CCDC92B: variants seen among roughly 807,000 people sequenced by gnomAD.
CCDC92B encodes the protein coiled-coil domain-containing 92B.
Under a neutral mutation model 5.6 loss-of-function variants are expected in CCDC92B, and 2 were observed. The observed-to-expected ratio is 0.36, with a 90% CI of 0.15 to 1.12. The LOEUF (loss-of-function observed/expected upper bound fraction) is 1.12. Among genes scored for constraint, CCDC92B ranks in the 50% most tolerant of loss-of-function variants. The pLI is 0.40. For synonymous variants in CCDC92B, 115 were observed against 122.3 expected (o/e 0.94, Z 0.39); for missense variants, 271 against 262.2 (o/e 1.03, Z -0.23).
At chr17:2,726,295 A>G (rs2070729068) in intron 3 of CCDC92B, among the ~76,000 whole-genome samples, 1 of 151,142 alleles carries the variant, frequency 6.6e-6, no homozygotes, top group Non-Finnish European at 1.5e-5. Flanking sequence ...CTCCTGCCTC[A>G]GCCTCCTGAG....
chr17:2,734,314 C>G (rs541541203), intron 2 of CCDC92B, among the ~76,000 whole-genome samples: 85 of 152,240 alleles, frequency 5.6e-4, no homozygotes, highest in African/African-American at 2.0e-3. Flanking sequence ...GCTCCTCAAG[C>G]TGGACATGCT....
chr17:2,725,083 A>C, intron 3 of CCDC92B, 83 bp from the exon 4 acceptor site: 1 of 981,334 alleles, frequency 1.0e-6, no homozygotes, highest in Non-Finnish European at 1.2e-6. Flanking sequence ...CGTGTAACAA[A>C]ACCCCCAGGC....
rs1356370570 is a variant in CCDC92B, at chr17:2,735,179, C to T, written c.-23-11G>A. 8.1e-6 allele frequency: 8 copies of T among 985,600 alleles called. No individual in the cohort carries two copies. Among genetic ancestry groups the T allele is most frequent in the African/African-American group, 1.7e-5 (1 of 57,366 alleles). 61.1% of individuals were successfully genotyped at this position (985,600 alleles called of 1,614,324 possible). ...AGGCCTGGGCCCCACCTAGGGAGGA[C>T]GACAAGGTGAACCCACCTCTTCTGA... On this transcript the variant is annotated splice_polypyrimidine_tract_variant and intron_variant, in intron 1 of 3. Transcript: ENST00000614400.
chr17:2,748,585 C>T, intron 1 of CCDC92B: 1 of 984,990 alleles, frequency 1.0e-6, no homozygotes, highest in Non-Finnish European at 1.2e-6. Context: ...CCATACGCTT[C>T]CTGAGGGCAA....
At chr17:2,735,435 T>C (rs939104950) in intron 1 of CCDC92B, among the ~76,000 whole-genome samples, 5 of 152,114 alleles carry the variant, frequency 3.3e-5, no homozygotes, top group Non-Finnish European at 7.4e-5. Context: ...CATGTAACTT[T>C]TTTTCTTTTT....
intron 2 of CCDC92B, among the ~76,000 whole-genome samples, chr17:2,731,352 A>G (rs1309945294): frequency 6.6e-6 from 1 of 151,292 alleles, no homozygotes; most frequent in African/African-American, 2.4e-5. Context: ...CACTCCCCCA[A>G]CTCCACCAGG....
rs1163511053 is a variant in CCDC92B, at chr17:2,724,157, C to T, written c.*254G>A. 1.0e-6 allele frequency: 1 copy of T among 985,302 alleles called. No individual in the cohort carries two copies. The highest frequency in any genetic ancestry group is 1.7e-5 in the African/African-American group (1 of 57,246). 61.0% of individuals were successfully genotyped at this position (985,302 alleles called of 1,614,324 possible). On this transcript the variant is annotated 3_prime_UTR_variant, in exon 4 of 4. Transcript: ENST00000614400. This position sits in a 1 kb window ranked among gnomAD's most constrained non-coding sequence, Gnocchi z 5.0. Reference sequence around the variant, plus strand: ...CAGGCCAGGATCGGGACGGCGAGTCCTCTCGGTAGAGAAGGTGCCCCCGCT... The same window carrying T: ...CAGGCCAGGATCGGGACGGCGAGTCTTCTCGGTAGAGAAGGTGCCCCCGCT...
intron 2 of CCDC92B, among the ~76,000 whole-genome samples, chr17:2,730,935 A>G (rs2070787985): frequency 6.6e-6 from 1 of 152,216 alleles, no homozygotes; most frequent in Non-Finnish European, 1.5e-5. Flanking sequence ...TGGAGTGTCC[A>G]GAACTGCCTG....
Position 2,721,444 on chromosome 17 carries a change from G to A in CCDC92B, c.*2967C>T, listed in dbSNP as rs928718771. On this transcript the variant is annotated 3_prime_UTR_variant, in exon 4 of 4. Transcript: ENST00000614400. ...CACCAAGATATTCCAGGGGCCAGGA[G>A]CGCGTGGGGGTGCGAGGTTTCCCTT... 2 of 152,452 alleles carry A rather than the reference G, an allele frequency of 1.3e-5. No individual in the cohort carries two copies. The highest frequency in any genetic ancestry group is 4.8e-5 in the African/African-American group (2 of 41,454). The allele number at this position is 152,452 out of a possible 1,614,324, so 9.4% of individuals were successfully genotyped here.
intron 2 of CCDC92B, among the ~76,000 whole-genome samples, chr17:2,734,202 C>T (rs773283328): frequency 6.6e-6 from 1 of 152,116 alleles, no homozygotes; most frequent in Non-Finnish European, 1.5e-5. Flanking sequence ...CCCCTTTCTC[C>T]TGTGATATCT....
chr17:2,728,620 AAAAC>A (rs974016946), intron 3 of CCDC92B, among the ~76,000 whole-genome samples: 1 of 152,184 alleles, frequency 6.6e-6, no homozygotes, highest in African/African-American at 2.4e-5. Context: ...AAAAACAAAA[AAAAC>A]AAAAAGATGA....
rs1346976299 is a variant in CCDC92B at position 2,722,957 on chromosome 17, G to C, written c.*1454C>G. The C allele has an allele frequency of 6.6e-6, 1 of 152,424 alleles. No homozygotes were observed. The highest frequency in any genetic ancestry group is 1.5e-5 in the Non-Finnish European group (1 of 68,224). 9.4% of individuals were successfully genotyped at this position (152,424 alleles called of 1,614,324 possible). On this transcript the variant is annotated 3_prime_UTR_variant, in exon 4 of 4. Coordinates refer to ENST00000614400, the MANE Select transcript of CCDC92B (RefSeq NM_001355573.2). ...TCCTTCCTGCCTTTGGTGGTGGACG[G>C]GGAGCTTGGGAGAAGGGGCGTTAGG...
At chr17:2,739,084 T>C (rs1219549188) in intron 1 of CCDC92B, among the ~76,000 whole-genome samples, 1 of 140,352 alleles carries the variant, frequency 7.1e-6, no homozygotes, top group East Asian at 2.1e-4. Flanking sequence ...AATAAATAAA[T>C]AGGGCGGGCG....
chr17:2,740,921 G>T (rs961806672), intron 1 of CCDC92B, among the ~76,000 whole-genome samples: 5 of 125,382 alleles, frequency 4.0e-5, no homozygotes, highest in Non-Finnish European at 6.3e-5. Context: ...AGCCATGATT[G>T]TGCCATTGCA....
chr17:2,723,710 G>C lies in CCDC92B; in HGVS notation c.*701C>G, dbSNP rs2070685711. Reference sequence around the variant, plus strand: ...CCAGCGGGGTGGCGACTCGGGAAGAGCTGAGCTGGAGACGGCTCTAGACCA... The same window carrying C: ...CCAGCGGGGTGGCGACTCGGGAAGACCTGAGCTGGAGACGGCTCTAGACCA... On this transcript the variant is annotated 3_prime_UTR_variant, in exon 4 of 4. Coordinates refer to ENST00000614400, the MANE Select transcript of CCDC92B (RefSeq NM_001355573.2). 1 of 153,274 alleles carries C rather than the reference G, an allele frequency of 6.5e-6. No individual in the cohort carries two copies. Among genetic ancestry groups the C allele is most frequent in the Non-Finnish European group, 1.4e-5 (1 of 69,014 alleles). 9.5% of individuals were successfully genotyped at this position (153,274 alleles called of 1,614,324 possible). A position where few individuals can be genotyped will look rare whatever the true frequency, so the allele number is the denominator to read the frequency against.
chr17:2,725,460 C>G (rs561568209), intron 3 of CCDC92B, among the ~76,000 whole-genome samples: 9 of 151,954 alleles, frequency 5.9e-5, no homozygotes, highest in African/African-American at 2.2e-4. Flanking sequence ...CGCGCTCCCC[C>G]TCCTTCCCCA....
intron 3 of CCDC92B, among the ~76,000 whole-genome samples, chr17:2,726,322 C>T (rs1411447841): frequency 5.3e-5 from 8 of 150,252 alleles, no homozygotes; most frequent in Middle Eastern, 3.5e-3. Context: ...GGACTACAGG[C>T]GCCCGCCACC....
intron 1 of CCDC92B, among the ~76,000 whole-genome samples, 193 bp downstream of exon 1, chr17:2,749,218 G>C (rs1053029447): frequency 2.0e-5 from 3 of 152,130 alleles, no homozygotes; most frequent in African/African-American, 7.2e-5. Context: ...GGCAGTGCCA[G>C]GCAGGGCCCG....
chr17:2,741,657 A>T (rs1316585442), intron 1 of CCDC92B, among the ~76,000 whole-genome samples: 1 of 132,968 alleles, frequency 7.5e-6, no homozygotes, highest in Admixed American at 8.2e-5. Context: ...CAGTGGTGTG[A>T]TCTCGGCTCA....
Sources: gnomAD v4.1 joint callset for allele counts (sites outside exome capture counted in the v4.1 genomes callset) on GRCh38, gnomAD v4.1.1 for gene constraint, Gnocchi (gnomAD v3.1) non-coding constraint, MANE v1.5 for transcripts, NCBI Gene and HGNC (gene_info 2026-07-23, HGNC 2026-07-21) for gene names.